C2orf49: variants seen among roughly 807,000 people sequenced by gnomAD.
C2orf49 encodes the protein tRNA splicing ligase complex subunit 2.
In C2orf49, 11 loss-of-function variants were observed where a neutral mutation model predicts 20.6. The ratio of observed to expected loss-of-function variants is 0.53; its 90% CI spans 0.34 to 0.88. C2orf49 has a LOEUF of 0.88. Ranked by LOEUF, C2orf49 falls within the 40% of genes least tolerant of loss-of-function variation. The pLI, the probability that C2orf49 is intolerant of heterozygous loss-of-function variation, is 0.02. For missense variants in C2orf49, 289 were observed against 274.2 expected (o/e 1.05, Z -0.38); for synonymous variants, 134 against 108.5 (o/e 1.24, Z -1.46).
chr2:105,366,065 T>C, the C2orf49 span, among the ~76,000 whole-genome samples: 1 of 149,984 alleles, frequency 6.7e-6, no homozygotes, highest in African/African-American at 2.5e-5. Context: ...AAAAACCGGC[T>C]GGGCATGGTG....
chr2:105,363,414 C>T, the C2orf49 span: 39 of 1,613,246 alleles, frequency 2.4e-5, no homozygotes, highest in Admixed American at 5.0e-5. Context: ...GCGGTGCACA[C>T]GAAGCACTCC....
Position 105,347,450 on chromosome 2 carries a change from TA to T in C2orf49, c.*2080del, listed in dbSNP as rs1244595654. On this transcript the variant is annotated 3_prime_UTR_variant, in exon 4 of 4. Coordinates refer to ENST00000258457, the MANE Select transcript of C2orf49 (RefSeq NM_024093.3). ...TAGTTACTCAATAAAATTAATATTT[TA>T]TTTGTATTTTAACTTACAGAGTAGG... 2 of 152,364 alleles carry T rather than the reference TA, an allele frequency of 1.3e-5. No homozygotes were observed. The highest frequency in any genetic ancestry group is 4.8e-5 in the African/African-American group (2 of 41,586). 9.4% of individuals were successfully genotyped at this position (152,364 alleles called of 1,614,324 possible). A position where few individuals can be genotyped will look rare whatever the true frequency, so the allele number is the denominator to read the frequency against.
downstream of C2orf49, among the ~76,000 whole-genome samples, chr2:105,352,429 G>GTTTTTTTTTTTTTTTTTTTTTTTGTTTT (rs61585149): frequency 2.5e-5 from 2 of 80,760 alleles, no homozygotes; most frequent in African/African-American, 1.0e-4. Context: ...GTTTGTTTGG[G>GTTTTTTTTTTTTTTTTTTTTTTTGTTTT]TTTTTTTTTT....
chr2:105,339,578 C>T lies in C2orf49; in HGVS notation c.100-5C>T. 3 of 1,574,170 alleles carry T rather than the reference C, an allele frequency of 1.9e-6. No individual in the cohort carries two copies. Among genetic ancestry groups the T allele is most frequent in the African/African-American group, 1.4e-5 (1 of 72,204 alleles). On this transcript the variant is annotated splice_region_variant and splice_polypyrimidine_tract_variant and intron_variant, in intron 1 of 3. Transcript: ENST00000258457. ...TTGAAATTACTTTTGTTTCCTTTCCCGCAGAAGAACATAGCTGTTGAAACT... is the reference window on the plus strand; with the variant it reads ...TTGAAATTACTTTTGTTTCCTTTCCTGCAGAAGAACATAGCTGTTGAAACT...
At chr2:105,370,797 C>T in the C2orf49 span, among the ~76,000 whole-genome samples, 1 of 152,114 alleles carries the variant, frequency 6.6e-6, no homozygotes, top group Non-Finnish European at 1.5e-5. Context: ...CTTTGGTGCC[C>T]AGTCCGTTTC....
rs1285763050 is a variant in C2orf49 at position 105,346,408 on chromosome 2, C to T, written c.*1037C>T. ...ATGTTCTTGTCATGTAGCAGTCCTA[C>T]GTACTCTTTTCATGAGCAGTCTGTG... is the stretch of plus-strand genomic sequence containing the variant. On this transcript the variant is annotated 3_prime_UTR_variant, in exon 4 of 4. Coordinates refer to ENST00000258457, the MANE Select transcript of C2orf49 (RefSeq NM_024093.3). 2 of 152,196 alleles carry T rather than the reference C, an allele frequency of 1.3e-5. No individual in the cohort carries two copies. The highest frequency in any genetic ancestry group is 2.9e-5 in the Non-Finnish European group (2 of 68,034). 9.4% of individuals were successfully genotyped at this position (152,196 alleles called of 1,614,324 possible).
intron 3 of C2orf49, among the ~76,000 whole-genome samples, chr2:105,343,654 C>T (rs1679734216): frequency 6.6e-6 from 1 of 152,182 alleles, no homozygotes; most frequent in African/African-American, 2.4e-5. Flanking sequence ...CTTAAAACCA[C>T]ACCAGACACC....
rs768281690 is a variant in C2orf49 at position 105,339,655 on chromosome 2, A to G, written c.172A>G (p.Ile58Val). The change falls in exon 2 of 4, where the codon ATA (isoleucine) becomes GTA (valine). Residue 58 changes from isoleucine (I) to valine (V), a missense_variant. Ile to Val is a conservative substitution (Grantham distance 29). Transcript: ENST00000258457. ...SLTDLYVQHAIPLPQRDLPKN... is the reference protein window; with the variant it reads ...SLTDLYVQHAVPLPQRDLPKN... ...TACTGACCTTTATGTCCAACATGCA[A>G]TACCATTGCCTCAGAGGGATTTGCC... 3 of 1,610,258 alleles carry G rather than the reference A, an allele frequency of 1.9e-6. No homozygotes were observed. Among genetic ancestry groups the G allele is most frequent in the Non-Finnish European group, 2.5e-6 (3 of 1,179,336 alleles).
chr2:105,380,366 C>T, the C2orf49 span, among the ~76,000 whole-genome samples: 3 of 152,108 alleles, frequency 2.0e-5, no homozygotes, highest in Non-Finnish European at 4.4e-5. Flanking sequence ...CTTTTCTTTT[C>T]TTCTATCTAT....
chr2:105,361,086 G>T, the C2orf49 span: 1 of 475,958 alleles, frequency 2.1e-6, no homozygotes, highest in Non-Finnish European at 3.6e-6. Flanking sequence ...TAGGGCCTAG[G>T]GCGAGTTTTC....
chr2:105,348,696 G>A lies in C2orf49; in HGVS notation c.*3325G>A, dbSNP rs1384653273. 1.3e-5 allele frequency: 2 copies of A among 151,790 alleles called. No homozygotes were observed. The highest frequency in any genetic ancestry group is 2.9e-5 in the Non-Finnish European group (2 of 67,976). 9.4% of individuals were successfully genotyped at this position (151,790 alleles called of 1,614,324 possible). A position where few individuals can be genotyped will look rare whatever the true frequency, so the allele number is the denominator to read the frequency against. Reference sequence around the variant, plus strand: ...ATTCAGTACAGAAAAGTTTAACCTTGTACATTTTTGTATGTAAAAAGTCTT... The same window carrying A: ...ATTCAGTACAGAAAAGTTTAACCTTATACATTTTTGTATGTAAAAAGTCTT... On this transcript the variant is annotated 3_prime_UTR_variant, in exon 4 of 4. Coordinates refer to ENST00000258457, the MANE Select transcript of C2orf49 (RefSeq NM_024093.3).
At chr2:105,363,856 C>T in the C2orf49 span, among the ~76,000 whole-genome samples, 1 of 152,198 alleles carries the variant, frequency 6.6e-6, no homozygotes, top group Non-Finnish European at 1.5e-5. Flanking sequence ...TACTCCTTAC[C>T]AGCCCTGTGG....
At chr2:105,377,925 G>T in the C2orf49 span, 1 of 402,680 alleles carries the variant, frequency 2.5e-6, no homozygotes, top group East Asian at 7.1e-5. Context: ...GCCCAGAGGG[G>T]TGGCAAGTTA....
At chr2:105,364,408 A>G in the C2orf49 span, among the ~76,000 whole-genome samples, 1 of 152,200 alleles carries the variant, frequency 6.6e-6, no homozygotes, top group Non-Finnish European at 1.5e-5. Context: ...ACAAGAAGAG[A>G]TGGGCATCTT....
the C2orf49 span, among the ~76,000 whole-genome samples, chr2:105,364,341 T>TA: frequency 6.6e-6 from 1 of 152,222 alleles, no homozygotes. Flanking sequence ...TCCAGCCACT[T>TA]ACGGTGAAAG....
the C2orf49 span, among the ~76,000 whole-genome samples, chr2:105,368,665 T>C: frequency 6.6e-6 from 1 of 152,220 alleles, no homozygotes; most frequent in Non-Finnish European, 1.5e-5. Context: ...ACCACCAAGC[T>C]GGACTCACTG....
chr2:105,369,707 C>T, the C2orf49 span, among the ~76,000 whole-genome samples: 27 of 152,220 alleles, frequency 1.8e-4, 1 homozygote, highest in Non-Finnish European at 5.9e-5. Context: ...ATACTTTTGT[C>T]ACTTGCTCTT....
the C2orf49 span, among the ~76,000 whole-genome samples, chr2:105,383,828 G>A: frequency 6.6e-6 from 1 of 152,290 alleles, no homozygotes; most frequent in South Asian, 2.1e-4. Context: ...AGCATCAAAA[G>A]CCCCAAATGC....
chr2:105,339,602 C>T lies in C2orf49; in HGVS notation c.119C>T (p.Thr40Ile). ...TLEQKNIAVE[T>I]DVRVNKDSLT... ...CCGCAGAAGAACATAGCTGTTGAAA[C>T]TGATGTAAGAGTAAACAAAGACAGT... The change falls in exon 2 of 4, where the codon ACT becomes ATT. Residue 40 changes from threonine (T) to isoleucine (I), a missense_variant. Thr to Ile is a moderately conservative substitution (Grantham distance 89). Transcript: ENST00000258457. The T allele has an allele frequency of 6.3e-7, 1 of 1,588,442 alleles. No individual in the cohort carries two copies. The highest frequency in any genetic ancestry group is 8.5e-7 in the Non-Finnish European group (1 of 1,173,728).
Sources: allele counts gnomAD v4.1 joint callset (sites outside exome capture counted in the v4.1 genomes callset), GRCh38; gene constraint gnomAD v4.1.1; transcripts MANE v1.5; gene names NCBI Gene and HGNC (gene_info 2026-07-23, HGNC 2026-07-21).